The following ELMO1 variants were observed in gnomAD, a reference collection of about 807,000 sequenced individuals.
ELMO1 encodes engulfment and cell motility protein 1.
A neutral mutation model predicts 98.9 loss-of-function variants in ELMO1; 26 were observed. The observed-to-expected ratio is 0.26, with a 90% CI of 0.19 to 0.36. ELMO1 has a LOEUF of 0.36. ELMO1 is among the 10% of genes least tolerant of loss of function. The pLI, the probability that ELMO1 is intolerant of heterozygous loss-of-function variation, is 1.00. For missense variants in ELMO1, 627 were observed against 935.2 expected, an observed-to-expected ratio of 0.67 and a Z score of 4.30; for synonymous variants, 346 against 346.0, an observed-to-expected ratio of 1.00 and a Z score of 0.00.
At chr7:37,156,881 C>A (rs1368658174) in intron 13 of ELMO1, among the ~76,000 whole-genome samples, 5 of 152,148 alleles carry the variant, frequency 3.3e-5, no homozygotes, top group Admixed American at 6.5e-5. Context: ...GAATTTTAGG[C>A]CAATATCCCT....
chr7:36,879,630 T>C (rs564193732), intron 18 of ELMO1, among the ~76,000 whole-genome samples: 21 of 152,196 alleles, frequency 1.4e-4, no homozygotes, highest in Non-Finnish European at 2.9e-4. Context: ...GGAGAGTGTC[T>C]CTGTGATTCT....
intron 1 of ELMO1, among the ~76,000 whole-genome samples, chr7:37,370,677 G>A (rs1184646236): frequency 6.6e-6 from 1 of 152,176 alleles, no homozygotes; most frequent in East Asian, 1.9e-4. Flanking sequence ...AACCTCATTA[G>A]TAATCAGAGG....
intron 19 of ELMO1, among the ~76,000 whole-genome samples, chr7:36,877,486 A>T (rs1266197112): frequency 6.6e-6 from 1 of 152,218 alleles, no homozygotes; most frequent in Non-Finnish European, 1.5e-5. Flanking sequence ...AAAAATATAC[A>T]AGAGAAATAT....
intron 18 of ELMO1, among the ~76,000 whole-genome samples, chr7:36,880,368 A>C (rs1399168656): frequency 2.0e-5 from 3 of 152,228 alleles, no homozygotes; most frequent in Non-Finnish European, 2.9e-5. Context: ...AATGACACTC[A>C]ATTGATTTTG....
At chr7:37,162,343 T>C (rs1467177808) in intron 13 of ELMO1, among the ~76,000 whole-genome samples, 1 of 152,182 alleles carries the variant, frequency 6.6e-6, no homozygotes, top group Non-Finnish European at 1.5e-5. Flanking sequence ...TAGGCTCTTC[T>C]GAAATGTTCT....
At chr7:37,189,562 C>A (rs1374773535) in intron 13 of ELMO1, among the ~76,000 whole-genome samples, 1 of 152,160 alleles carries the variant, frequency 6.6e-6, no homozygotes, top group Non-Finnish European at 1.5e-5. Context: ...GAAGCCCACT[C>A]TCTTGCGGCT....
intron 1 of ELMO1, among the ~76,000 whole-genome samples, chr7:37,407,643 A>G (rs960144283): frequency 2.6e-5 from 4 of 152,328 alleles, no homozygotes; most frequent in Non-Finnish European, 2.9e-5. Flanking sequence ...CAATAAAAAC[A>G]TCGGTAGTTG....
intron 1 of ELMO1, among the ~76,000 whole-genome samples, chr7:37,387,169 G>A (rs1343779106): frequency 6.6e-6 from 1 of 152,228 alleles, no homozygotes; most frequent in Non-Finnish European, 1.5e-5. Context: ...TATGGCCCTG[G>A]CCTATCCTGA....
At chr7:36,933,278 T>G (rs763688883) in intron 16 of ELMO1, among the ~76,000 whole-genome samples, 4 of 152,122 alleles carry the variant, frequency 2.6e-5, no homozygotes, top group Non-Finnish European at 4.4e-5. Context: ...ACAGAGTGTA[T>G]AATGGCATTT....
intron 1 of ELMO1, among the ~76,000 whole-genome samples, chr7:37,345,339 T>C (rs1185971265): frequency 1.3e-5 from 2 of 152,090 alleles, no homozygotes; most frequent in Non-Finnish European, 2.9e-5. Flanking sequence ...CCTGTGCCTC[T>C]ACCAGTGTGG....
chr7:37,324,858 G>A (rs1030757789), intron 2 of ELMO1, among the ~76,000 whole-genome samples: 3 of 152,182 alleles, frequency 2.0e-5, no homozygotes, highest in South Asian at 2.1e-4. Context: ...GATTACAGGC[G>A]TAAGCACCGC....
intron 18 of ELMO1, among the ~76,000 whole-genome samples, chr7:36,882,792 A>G (rs780286938): frequency 1.8e-4 from 27 of 152,214 alleles, no homozygotes; most frequent in Non-Finnish European, 2.9e-4. Context: ...CTCAGAACAT[A>G]TTTGTAGTTT....
chr7:37,285,695 G>GA lies in ELMO1; in HGVS notation c.193-13814dup, dbSNP rs1437007508. On this transcript the variant is annotated intron_variant, in intron 4 of 21. Transcript: ENST00000310758. ...CTGCAAAAGAAGGGGAAAAAAGCAG[G>GA]AAAAATGCCTAATATTATGGGTATT... 1.1e-4 allele frequency among the ~76,000 whole-genome samples: 17 copies of GA among 152,156 alleles called. No individual in the cohort carries two copies. In the South Asian group the frequency reaches 3.5e-3, roughly 32 times the overall value.
intron 1 of ELMO1, among the ~76,000 whole-genome samples, chr7:37,364,330 G>A: frequency 6.6e-6 from 1 of 152,290 alleles, no homozygotes; most frequent in African/African-American, 2.4e-5. Context: ...TGCCAAATAT[G>A]ATGTTAAATC....
At chr7:37,358,326 C>T (rs1157455576) in intron 1 of ELMO1, among the ~76,000 whole-genome samples, 1 of 152,128 alleles carries the variant, frequency 6.6e-6, no homozygotes, top group Non-Finnish European at 1.5e-5. Context: ...ACTCAACCTG[C>T]TAATAATATC....
At chr7:37,050,659 C>CAAAA (rs59878335) in intron 15 of ELMO1, among the ~76,000 whole-genome samples, 53 of 142,734 alleles carry the variant, frequency 3.7e-4, no homozygotes, top group South Asian at 1.6e-3. Flanking sequence ...CACACACACA[C>CAAAA]AAAAGGTAAC....
chr7:37,252,837 A>G (rs1446781495), intron 6 of ELMO1, among the ~76,000 whole-genome samples: 1 of 152,232 alleles, frequency 6.6e-6, no homozygotes, highest in Non-Finnish European at 1.5e-5. Context: ...GCCATCTGAC[A>G]AAGGGTTAAT....
At chr7:37,066,184 T>C (rs1254152749) in intron 15 of ELMO1, among the ~76,000 whole-genome samples, 1 of 152,150 alleles carries the variant, frequency 6.6e-6, no homozygotes, top group Admixed American at 6.5e-5. Flanking sequence ...CGGGCATGTC[T>C]CTATTAGCAG....
At chr7:37,169,950 G>A (rs369863260) in intron 13 of ELMO1, among the ~76,000 whole-genome samples, 84 of 152,074 alleles carry the variant, frequency 5.5e-4, no homozygotes, top group African/African-American at 2.0e-3. Flanking sequence ...CACCCAGGCT[G>A]GAGTGCAATG....
Sources: gnomAD v4.1 joint callset for allele counts (sites outside exome capture counted in the v4.1 genomes callset) on GRCh38, gnomAD v4.1.1 for gene constraint, MANE v1.5 for transcripts, NCBI Gene and HGNC (gene_info 2026-07-23, HGNC 2026-07-21) for gene names.